The following DCDC1 variants were observed in gnomAD, a reference collection of about 807,000 sequenced individuals.
DCDC1 encodes doublecortin domain-containing protein 1.
In DCDC1, 200 loss-of-function variants were observed where a neutral mutation model predicts 178.3. The ratio of observed to expected loss-of-function variants is 1.12; its 90% confidence interval spans 1.00 to 1.26. DCDC1 has a LOEUF of 1.26. Ranked by LOEUF, DCDC1 falls within the 50% of genes most tolerant of loss-of-function variation. The probability of loss-of-function intolerance (pLI) is 0.00; values close to 1 mark genes in which losing one functional copy is unlikely to be tolerated. For synonymous variants in DCDC1, 690 were observed against 604.8 expected (o/e 1.14, Z -2.07); for missense variants, 1,983 against 1,749.2 (o/e 1.13, Z -2.38).
Position 30,894,319 on chromosome 11 carries a change from C to T in DCDC1, c.4831G>A (p.Val1611Met). Residue 1611 changes from valine to methionine, a missense_variant, in exon 35 of 39, where the codon GTG (valine) becomes ATG (methionine). Val to Met is a conservative substitution (Grantham distance 21, BLOSUM62 1). Coordinates refer to ENST00000684477, the MANE Select transcript of DCDC1 (RefSeq NM_001387274.1). ...TGTTCGGTCCAGCCTCCTTCAACCACCACGGGCTGCACAGGGCTCTTGGTA... is the reference window on the plus strand; with the variant it reads ...TGTTCGGTCCAGCCTCCTTCAACCATCACGGGCTGCACAGGGCTCTTGGTA... ...VPTKSPVQPVVVEGGWTEQTQ... is the reference protein window; with the variant it reads ...VPTKSPVQPVMVEGGWTEQTQ... The T allele has an allele frequency of 1.2e-6, 2 of 1,613,906 alleles. No individual in the cohort carries two copies. Among genetic ancestry groups the T allele is most frequent in the Non-Finnish European group, 1.7e-6 (2 of 1,179,820 alleles).
chr11:31,048,868 G>A (rs146604680), intron 20 of DCDC1, among the ~76,000 whole-genome samples: 14 of 152,126 alleles, frequency 9.2e-5, no homozygotes, highest in Admixed American at 3.3e-4. Context: ...AAAAAAAAAG[G>A]ACTGTCAATT....
chr11:30,931,088 A>G (rs2134312430), intron 22 of DCDC1, among the ~76,000 whole-genome samples: 1 of 152,256 alleles, frequency 6.6e-6, no homozygotes, highest in South Asian at 2.1e-4. Context: ...GGCTGCTAAT[A>G]ATATGAGAAA....
chr11:31,076,823 G>C (rs187213172), intron 18 of DCDC1, among the ~76,000 whole-genome samples: 1 of 152,098 alleles, frequency 6.6e-6, no homozygotes, highest in East Asian at 1.9e-4. Flanking sequence ...TCCAGGGCTT[G>C]GGAGGCTCAA....
chr11:31,113,821 G>A (rs1282817730), intron 11 of DCDC1, among the ~76,000 whole-genome samples: 1 of 152,076 alleles, frequency 6.6e-6, no homozygotes, highest in African/African-American at 2.4e-5. Flanking sequence ...GTTTCTTTTG[G>A]CAACACAATT....
At chr11:31,098,266 C>A (rs1012313337) in intron 15 of DCDC1, among the ~76,000 whole-genome samples, 1 of 152,162 alleles carries the variant, frequency 6.6e-6, no homozygotes, top group East Asian at 1.9e-4. Flanking sequence ...ATGGAAACAT[C>A]TAGTTTGATT....
At chr11:31,204,852 C>CA (rs1168962956) in intron 9 of DCDC1, among the ~76,000 whole-genome samples, 1 of 152,004 alleles carries the variant, frequency 6.6e-6, no homozygotes, top group Non-Finnish European at 1.5e-5. Context: ...AAACAAAAAA[C>CA]AAACAAAAAA....
chr11:30,992,531 G>A (rs1416078899), intron 20 of DCDC1: 1 of 152,298 alleles, frequency 6.6e-6, no homozygotes, highest in South Asian at 2.1e-4. Flanking sequence ...GAAAGAAATT[G>A]CCTTCCAAGT....
intron 9 of DCDC1, among the ~76,000 whole-genome samples, chr11:31,189,791 G>A (rs1231017960): frequency 6.6e-6 from 1 of 151,904 alleles, no homozygotes; most frequent in African/African-American, 2.4e-5. Flanking sequence ...GATTACACAG[G>A]GCCCTCATGG....
chr11:31,133,994 C>T (rs981487253), intron 10 of DCDC1, among the ~76,000 whole-genome samples: 15 of 152,178 alleles, frequency 9.9e-5, no homozygotes, highest in East Asian at 3.9e-4. Flanking sequence ...TGAGCCACCA[C>T]GCCTGGCCCA....
At chr11:31,100,048 C>T (rs189403701) in intron 15 of DCDC1, among the ~76,000 whole-genome samples, 3 of 152,222 alleles carry the variant, frequency 2.0e-5, no homozygotes, top group Non-Finnish European at 2.9e-5. Flanking sequence ...CTTTATTGAA[C>T]ATGCCAAACC....
At chr11:31,332,006 T>C (rs949266123) in intron 2 of DCDC1, among the ~76,000 whole-genome samples, 1 of 152,304 alleles carries the variant, frequency 6.6e-6, no homozygotes, top group Middle Eastern at 3.4e-3. Flanking sequence ...ATCCATCTGG[T>C]CCTGAACTTT....
chr11:31,291,142 T>C lies in DCDC1; in HGVS notation c.755-290A>G, dbSNP rs1947202751. ...TAATTAAAATTCACCTTAGCCTGCCTCTATTACTGATTAAACGCACCCAGC... is the reference window on the plus strand; with the variant it reads ...TAATTAAAATTCACCTTAGCCTGCCCCTATTACTGATTAAACGCACCCAGC... On this transcript the variant is annotated intron_variant, in intron 6 of 38. Coordinates refer to ENST00000684477, the MANE Select transcript of DCDC1 (RefSeq NM_001387274.1). Among the ~76,000 whole-genome samples the C allele has an allele frequency of 3.9e-5, 6 of 152,056 alleles. No individual in the cohort carries two copies. In the South Asian group the frequency reaches 1.2e-3, roughly 31 times the overall value.
intron 9 of DCDC1, among the ~76,000 whole-genome samples, chr11:31,169,399 G>A (rs188587673): frequency 5.3e-5 from 8 of 152,284 alleles, no homozygotes; most frequent in African/African-American, 1.9e-4. Flanking sequence ...TGACTGTGGG[G>A]AAACTGGGGA....
In DCDC1 at chr11:31,166,548, C is replaced by T. The variant is rs112257716; in HGVS notation, c.1222-28764G>A. 2.3e-3 allele frequency among the ~76,000 whole-genome samples: 343 copies of T among 151,926 alleles called. 4 individuals carry two copies. Among genetic ancestry groups the T allele is most frequent in the African/African-American group, 7.8e-3 (323 of 41,450 alleles). On this transcript the variant is annotated intron_variant, in intron 9 of 38. Coordinates refer to ENST00000684477, the MANE Select transcript of DCDC1 (RefSeq NM_001387274.1). Reference sequence around the variant, plus strand: ...GTATTACAAATGCTTGAAACAGCCTCGCTATAGGAGTTGGAGAGAAAAGAT... The same window carrying T: ...GTATTACAAATGCTTGAAACAGCCTTGCTATAGGAGTTGGAGAGAAAAGAT...
At chr11:31,265,655 A>T in intron 7 of DCDC1, 55 bp from the exon 8 acceptor site, 1 of 815,624 alleles carries the variant, frequency 1.2e-6, no homozygotes, top group South Asian at 4.1e-5. Flanking sequence ...AATTGAATAC[A>T]CATTTAAACT....
chr11:31,012,189 A>T (rs965581924), intron 20 of DCDC1, among the ~76,000 whole-genome samples: 7 of 152,182 alleles, frequency 4.6e-5, no homozygotes, highest in African/African-American at 1.7e-4. Context: ...AGCGAATTAA[A>T]CTTCTTTTCT....
chr11:31,189,503 A>G (rs946457454), intron 9 of DCDC1, among the ~76,000 whole-genome samples: 3 of 152,196 alleles, frequency 2.0e-5, no homozygotes, highest in African/African-American at 7.2e-5. Context: ...TCTCAAAGTT[A>G]GTGGCTCAAA....
chr11:30,924,983 G>C (rs998651592), intron 23 of DCDC1, among the ~76,000 whole-genome samples: 7 of 151,710 alleles, frequency 4.6e-5, no homozygotes, highest in African/African-American at 1.7e-4. Context: ...TGAGGTGGAA[G>C]AATTGCTTGA....
intron 36 of DCDC1, among the ~76,000 whole-genome samples, chr11:30,885,094 C>T (rs1943044553): frequency 1.3e-5 from 2 of 151,754 alleles, no homozygotes; most frequent in African/African-American, 4.8e-5. Context: ...AAAGCAGAAG[C>T]TAGTATATGT....
Sources: allele counts gnomAD v4.1 joint callset (sites outside exome capture counted in the v4.1 genomes callset), GRCh38; gene constraint gnomAD v4.1.1; transcripts MANE v1.5; gene names NCBI Gene and HGNC (gene_info 2026-07-23, HGNC 2026-07-21).